SLC35E4: variants seen among roughly 807,000 people sequenced by gnomAD.
SLC35E4 encodes solute carrier family 35, member E4.
In SLC35E4, 15 loss-of-function variants were observed where a neutral mutation model predicts 19.3. The observed-to-expected ratio is 0.78, with a 90% CI of 0.52 to 1.20. The LOEUF is 1.20. SLC35E4 is among the 50% of genes most tolerant of loss of function. The pLI, the probability that SLC35E4 is intolerant of heterozygous loss-of-function variation, is 0.00. For missense variants in SLC35E4, 406 were observed against 472.3 expected, an observed-to-expected ratio of 0.86 and a Z score of 1.30; for synonymous variants, 219 against 219.9, an observed-to-expected ratio of 1.00 and a Z score of 0.04.
At chr22:30,639,846 C>G (rs1032238463) in intron 1 of SLC35E4, among the ~76,000 whole-genome samples, 1 of 152,136 alleles carries the variant, frequency 6.6e-6, no homozygotes, top group African/African-American at 2.4e-5. Flanking sequence ...GTGCAGTTAA[C>G]GCAATCATCA....
At chr22:30,656,744 A>G (rs1304695519) in intron 2 of SLC35E4, among the ~76,000 whole-genome samples, 1 of 152,202 alleles carries the variant, frequency 6.6e-6, no homozygotes, top group Non-Finnish European at 1.5e-5. Flanking sequence ...AAAAGCCCTC[A>G]ACCTTAACCT....
At chr22:30,643,212 C>T (rs945993796) in intron 1 of SLC35E4, among the ~76,000 whole-genome samples, 1 of 152,178 alleles carries the variant, frequency 6.6e-6, no homozygotes, top group Non-Finnish European at 1.5e-5. Context: ...TGAGCTTGCT[C>T]TCAGCTGGAC....
chr22:30,655,396 C>A (rs1192020109), intron 2 of SLC35E4, among the ~76,000 whole-genome samples: 1 of 133,314 alleles, frequency 7.5e-6, no homozygotes, highest in Non-Finnish European at 1.5e-5. Context: ...TACACCACTG[C>A]ACTCCACTCT....
At chr22:30,664,355 C>T (rs1392827244), downstream of SLC35E4, among the ~76,000 whole-genome samples, 1 of 152,206 alleles carries the variant, frequency 6.6e-6, no homozygotes, top group Non-Finnish European at 1.5e-5. Context: ...ATGGCAAGTC[C>T]CCAAGTCTGG....
At position 30,646,962 on chromosome 22, in the gene SLC35E4, C is replaced by G. The variant is rs375860281; in HGVS notation, c.984C>G (p.Cys328Trp). The G allele has an allele frequency of 1.9e-5, 31 of 1,613,886 alleles. No individual in the cohort carries two copies. The South Asian group carries it at 3.4e-4, about 18-fold the overall frequency. ...TLSGMFLYHN[C>W]EFVASWAARR... ...CAGGAATGTTCCTTTACCACAACTG[C>G]GAGTTCGTGGCCTCCTGGGCTGCCC... Residue 328 changes from cysteine (C) to tryptophan (W), a missense_variant, in exon 2 of 2, where the codon TGC becomes TGG. Transcript: ENST00000343605.
intron 2 of SLC35E4, chr22:30,654,395 G>T (rs2088291949): frequency 2.2e-6 from 1 of 457,574 alleles, no homozygotes; most frequent in East Asian, 6.5e-5. Flanking sequence ...TGATCCAGCT[G>T]CCCCAGGTAG....
intron 1 of SLC35E4, among the ~76,000 whole-genome samples, chr22:30,643,790 T>C (rs1439557248): frequency 6.6e-6 from 1 of 152,052 alleles, no homozygotes; most frequent in African/African-American, 2.4e-5. Flanking sequence ...AGACAGGGTT[T>C]AGAGAAGGGT....
At chr22:30,655,350 G>A (rs1446280500) in intron 2 of SLC35E4, among the ~76,000 whole-genome samples, 1 of 147,082 alleles carries the variant, frequency 6.8e-6, no homozygotes, top group African/African-American at 2.5e-5. Flanking sequence ...CCAGCTACTT[G>A]GGAGGCTGAG....
At chr22:30,660,089 G>A (rs1342461098) in intron 2 of SLC35E4, among the ~76,000 whole-genome samples, 1 of 152,170 alleles carries the variant, frequency 6.6e-6, no homozygotes, top group Non-Finnish European at 1.5e-5. Context: ...CTTCCTCAGA[G>A]CCTCCAGGGA....
At chr22:30,653,336 C>T (rs925677140) in intron 2 of SLC35E4, among the ~76,000 whole-genome samples, 1 of 151,812 alleles carries the variant, frequency 6.6e-6, no homozygotes, top group African/African-American at 2.4e-5. Context: ...GCTGCCCTAT[C>T]CCGACTGCCA....
intron 1 of SLC35E4, among the ~76,000 whole-genome samples, chr22:30,640,801 A>G (rs1241476599): frequency 6.6e-6 from 1 of 152,126 alleles, no homozygotes; most frequent in African/African-American, 2.4e-5. Flanking sequence ...ATGGAGTCCA[A>G]GGGGCCTCTT....
At chr22:30,667,940 C>G (rs1488771081), downstream of SLC35E4, 5 of 152,532 alleles carry the variant, frequency 3.3e-5, no homozygotes, top group African/African-American at 1.2e-4. Context: ...CAACGCGCCG[C>G]GCGGGGCTCC....
chr22:30,650,332 C>CAAA (rs557805647), downstream of SLC35E4, among the ~76,000 whole-genome samples: 2 of 136,196 alleles, frequency 1.5e-5, no homozygotes, highest in African/African-American at 5.4e-5. Context: ...GACTTCGTCT[C>CAAA]AAAAAAAAAA....
intron 1 of SLC35E4, among the ~76,000 whole-genome samples, chr22:30,640,861 T>G (rs540409767): frequency 6.6e-6 from 1 of 152,056 alleles, no homozygotes; most frequent in Non-Finnish European, 1.5e-5. Flanking sequence ...GAGAAGGAAG[T>G]GGGCACACCA....
rs35939188 is a variant in SLC35E4, at chr22:30,659,123, C to CA, written c.*9-2914dup. On this transcript the variant is annotated intron_variant, in intron 2 of 2. Coordinates refer to the SLC35E4 transcript ENST00000406566. ...TAGGCGACACAGCGAGACTCCATCT[C>CA]AAAAAAAAAAAAAAAAAAAAAAAGA... Among the ~76,000 whole-genome samples, 120 of 104,640 alleles carry CA rather than the reference C, an allele frequency of 1.1e-3. 1 individual carries two copies. Among genetic ancestry groups the CA allele is most frequent in the African/African-American group, 2.2e-3 (54 of 24,620 alleles). 68.6% of individuals were successfully genotyped at this position (104,640 alleles called of 152,430 possible). A position where few individuals can be genotyped will look rare whatever the true frequency, so the allele number is the denominator to read the frequency against.
At chr22:30,651,389 G>A (rs2088209116), downstream of SLC35E4, among the ~76,000 whole-genome samples, 1 of 30,692 alleles carries the variant, frequency 3.3e-5, no homozygotes, top group Non-Finnish European at 5.4e-5. Context: ...GTGTGTGTGT[G>A]TGTGTGTGTG....
downstream of SLC35E4, chr22:30,663,873 T>A: frequency 6.2e-7 from 1 of 1,614,206 alleles, no homozygotes; most frequent in Non-Finnish European, 8.5e-7. Context: ...GGTGATCTGG[T>A]TGCTAGACAG....
chr22:30,648,223 A>G (rs1163340407), downstream of SLC35E4, among the ~76,000 whole-genome samples: 2 of 151,620 alleles, frequency 1.3e-5, no homozygotes, highest in Non-Finnish European at 2.9e-5. Context: ...CCAGACCCCA[A>G]CTCACTCAGG....
intron 1 of SLC35E4, among the ~76,000 whole-genome samples, chr22:30,646,256 C>T (rs1204492622): frequency 6.6e-6 from 1 of 152,216 alleles, no homozygotes; most frequent in East Asian, 1.9e-4. Flanking sequence ...ATTTACTGAG[C>T]ATTTCCCATT....
Sources: gnomAD v4.1 joint callset for allele counts (sites outside exome capture counted in the v4.1 genomes callset) on GRCh38, gnomAD v4.1.1 for gene constraint, MANE v1.5 for transcripts, NCBI Gene and HGNC (gene_info 2026-07-23, HGNC 2026-07-21) for gene names.